TRNT1: variants seen among roughly 807,000 people sequenced by gnomAD.
The protein encoded by TRNT1 is tRNA nucleotidyl transferase 1.
In TRNT1, 44 loss-of-function variants were observed where a neutral mutation model predicts 45.6. That is an observed-to-expected ratio of 0.97 (90% CI 0.76 to 1.24). The LOEUF (loss-of-function observed/expected upper bound fraction) is 1.24, where lower values mean the gene tolerates loss of function less well. Ranked by LOEUF, TRNT1 falls within the 50% of genes most tolerant of loss-of-function variation. TRNT1 has a pLI of 0.00. For missense variants in TRNT1, 633 were observed against 504.4 expected, an observed-to-expected ratio of 1.25 and a Z score of -2.44; for synonymous variants, 201 against 171.4, an observed-to-expected ratio of 1.17 and a Z score of -1.35.
intron 2 of TRNT1, among the ~76,000 whole-genome samples, chr3:3,135,103 A>G (rs1705244987): frequency 6.6e-6 from 1 of 152,156 alleles, no homozygotes; most frequent in Non-Finnish European, 1.5e-5. Flanking sequence ...TTTGTTTGCC[A>G]TGTAGACATA....
chr3:3,137,442 A>T lies in TRNT1; in HGVS notation c.331A>T (p.Ile111Phe), dbSNP rs149263693. 6.2e-7 allele frequency: 1 copy of T among 1,609,032 alleles called. No homozygotes were observed. The highest frequency in any genetic ancestry group is 1.1e-5 in the South Asian group (1 of 89,652). Reference sequence around the variant, plus strand: ...CAACAGAGGAGAAAAGCACGGAACAATTACTGCCAGGGTGAGTCAAAAGTT... The same window carrying T: ...CAACAGAGGAGAAAAGCACGGAACATTTACTGCCAGGGTGAGTCAAAAGTT... Reference protein sequence around the residue: ...INNRGEKHGTITARLHEENFE... With the variant: ...INNRGEKHGTFTARLHEENFE... The change falls in exon 3 of 8, where the codon ATT becomes TTT. Residue 111 changes from isoleucine (I) to phenylalanine (F), a missense_variant. Coordinates refer to ENST00000251607, the MANE Select transcript of TRNT1 (RefSeq NM_182916.3).
At chr3:3,151,052 A>G (rs1320033156), downstream of TRNT1, 1 of 1,613,750 alleles carries the variant, frequency 6.2e-7, no homozygotes, top group Admixed American at 1.7e-5. Flanking sequence ...ATACCTAAGA[A>G]ATTAAGGAAA....
At chr3:3,138,019 C>G (rs1051318122) in intron 3 of TRNT1, among the ~76,000 whole-genome samples, 12 of 152,168 alleles carry the variant, frequency 7.9e-5, no homozygotes, top group African/African-American at 2.7e-4. Flanking sequence ...TATAGAGTTC[C>G]TCTCAAAAGA....
downstream of TRNT1, chr3:3,153,346 G>A: frequency 1.1e-6 from 1 of 884,090 alleles, no homozygotes; most frequent in South Asian, 1.4e-5. Flanking sequence ...CTGGAGGAAA[G>A]TTTATGGAAA....
chr3:3,139,629 T>C (rs551095640), intron 3 of TRNT1, among the ~76,000 whole-genome samples: 1,919 of 152,332 alleles, frequency 0.013, 50 homozygotes, highest in African/African-American at 0.044. Flanking sequence ...TGCTGCTTTT[T>C]CAAGGCTTGG....
intron 2 of TRNT1, chr3:3,130,669 T>G (rs1367204440): frequency 6.6e-6 from 1 of 152,192 alleles, no homozygotes; most frequent in Non-Finnish European, 1.5e-5. Context: ...TGAAATAAAT[T>G]TTAATAATTA....
chr3:3,147,873 T>G, intron 7 of TRNT1, 33 bp from the exon 8 acceptor site: 1 of 1,588,712 alleles, frequency 6.3e-7, no homozygotes, highest in African/African-American at 1.4e-5. Flanking sequence ...TTTTCATGTG[T>G]GACGAAACTA....
At chr3:3,135,808 A>C (rs1327358800) in intron 2 of TRNT1, among the ~76,000 whole-genome samples, 1 of 152,198 alleles carries the variant, frequency 6.6e-6, no homozygotes, top group Non-Finnish European at 1.5e-5. Context: ...AAAGACCAAC[A>C]GGGACACAAG....
intron 1 of TRNT1, among the ~76,000 whole-genome samples, chr3:3,128,567 C>G (rs1401612409): frequency 6.7e-6 from 1 of 148,302 alleles, no homozygotes; most frequent in Non-Finnish European, 1.5e-5. Context: ...CCACTGCACT[C>G]CCGCCTGAGC....
At chr3:3,135,224 TCA>T (rs1336357098) in intron 2 of TRNT1, among the ~76,000 whole-genome samples, 1 of 152,102 alleles carries the variant, frequency 6.6e-6, no homozygotes, top group East Asian at 1.9e-4. Context: ...GTGAAGTGAC[TCA>T]CACAAGCAAA....
In TRNT1 at chr3:3,148,207, C is replaced by T. The variant is rs1379324389; in HGVS notation, c.*53C>T. ...TTTCTGGTAAGACTAAATTTTCTCC[C>T]CTCCCTCTTAATGAGGTTTTAGAGA... On this transcript the variant is annotated 3_prime_UTR_variant, in exon 8 of 8. Transcript: ENST00000251607. 3 of 1,581,646 alleles carry T rather than the reference C, an allele frequency of 1.9e-6. No individual in the cohort carries two copies. Among genetic ancestry groups the T allele is most frequent in the Non-Finnish European group, 2.6e-6 (3 of 1,165,764 alleles).
chr3:3,144,914 A>G (rs1176438583), intron 5 of TRNT1: 1 of 318,410 alleles, frequency 3.1e-6, no homozygotes, highest in African/African-American at 2.2e-5. Flanking sequence ...GAACGCACAT[A>G]TACTTTATGT....
intron 6 of TRNT1, 33 bp downstream of exon 6, chr3:3,146,656 G>T: frequency 1.3e-6 from 2 of 1,493,534 alleles, no homozygotes; most frequent in South Asian, 1.3e-5. Flanking sequence ...TTGAATTTTT[G>T]GCAGTGAAAT....
At chr3:3,128,871 T>C in intron 1 of TRNT1, 143 bp from the exon 2 acceptor site, 1 of 644,440 alleles carries the variant, frequency 1.6e-6, no homozygotes, top group Non-Finnish European at 2.6e-6. Context: ...TCGTAATCCC[T>C]CAAACTGACA....
In TRNT1 at chr3:3,148,362, C is replaced by G; in HGVS notation, c.*208C>G. 4.0e-6 allele frequency: 2 copies of G among 500,144 alleles called. No individual in the cohort carries two copies. Among genetic ancestry groups the G allele is most frequent in the Non-Finnish European group, 7.0e-6 (2 of 287,200 alleles). The allele number at this position is 500,144 out of a possible 1,614,324, so 31.0% of individuals were successfully genotyped here. On this transcript the variant is annotated 3_prime_UTR_variant, in exon 8 of 8. Coordinates refer to ENST00000251607, the MANE Select transcript of TRNT1 (RefSeq NM_182916.3). ...ATCTGATTTATATCACTGAAATGTA[C>G]AGTTCTTTTGGAATAGTTTCACCTG... is the stretch of plus-strand genomic sequence containing the variant.
At chr3:3,137,519 C>T in intron 3 of TRNT1, 66 bp downstream of exon 3, 3 of 1,388,268 alleles carry the variant, frequency 2.2e-6, no homozygotes, top group Non-Finnish European at 2.9e-6. Flanking sequence ...TTAATTTTCT[C>T]TAGTTAAAAG....
Position 3,147,906 on chromosome 3 carries a change from T to A in TRNT1, c.1057T>A (p.Ser353Thr). The change falls in exon 8 of 8, where the codon TCT becomes ACT. Residue 353 changes from serine (S) to threonine (T), a missense_variant and splice_region_variant. By Grantham distance (58) the Ser-to-Thr change is moderately conservative. Coordinates refer to ENST00000251607, the MANE Select transcript of TRNT1 (RefSeq NM_182916.3). ...LKPYQDFIIDSREPDATTRVC... is the reference protein window; with the variant it reads ...LKPYQDFIIDTREPDATTRVC... The stretch of plus-strand genomic sequence containing the variant: ...CTAAATGTTTGATTTTGACACGTAG[T>A]CTAGGGAACCTGATGCAACTACTCG... 1 of 1,609,292 alleles carries A rather than the reference T, an allele frequency of 6.2e-7. No homozygotes were observed. The highest frequency in any genetic ancestry group is 1.7e-5 in the Admixed American group (1 of 59,444).
At chr3:3,127,155 G>C (rs939065117) in intron 1 of TRNT1, 165 bp downstream of exon 1, 1 of 152,318 alleles carries the variant, frequency 6.6e-6, no homozygotes, top group Admixed American at 6.5e-5. Context: ...GCCCCGACGC[G>C]GAGGTCGTGT....
downstream of TRNT1, chr3:3,153,295 T>A (rs1706715184): frequency 3.1e-6 from 2 of 638,288 alleles, no homozygotes; most frequent in Non-Finnish European, 5.7e-6. Flanking sequence ...GTGAGCTAAT[T>A]CCCTATATTT....
Sources: gnomAD v4.1 joint callset for allele counts (sites outside exome capture counted in the v4.1 genomes callset) on GRCh38, gnomAD v4.1.1 for gene constraint, MANE v1.5 for transcripts, NCBI Gene and HGNC (gene_info 2026-07-23, HGNC 2026-07-21) for gene names.